PAPSS1: variants seen among roughly 807,000 people sequenced by gnomAD.
PAPSS1 encodes 3'-phosphoadenosine 5'-phosphosulfate synthase 1, also known as bifunctional 3'-phosphoadenosine 5'-phosphosulfate synthase 1.
PAPSS1 carries 50 observed loss-of-function variants against 72.0 expected under a neutral mutation model. The observed-to-expected ratio is 0.69, with a 90% CI of 0.55 to 0.88. The LOEUF (loss-of-function observed/expected upper bound fraction) is 0.88. Ranked by LOEUF, PAPSS1 falls within the 40% of genes least tolerant of loss-of-function variation. The pLI is 0.00. For synonymous variants in PAPSS1, 261 were observed against 263.6 expected, an observed-to-expected ratio of 0.99 and a Z score of 0.09; for missense variants, 657 against 782.2, an observed-to-expected ratio of 0.84 and a Z score of 1.91.
chr4:107,681,141 A>G (rs1158990345), intron 5 of PAPSS1, among the ~76,000 whole-genome samples: 2 of 152,178 alleles, frequency 1.3e-5, no homozygotes, highest in African/African-American at 2.4e-5. Context: ...AATACACTAG[A>G]TGAAAGAGGT....
At position 107,674,203 on chromosome 4, in the gene PAPSS1, T is replaced by C. The variant is rs541847338; in HGVS notation, c.669+7812A>G. Among the ~76,000 whole-genome samples, 25 of 152,272 alleles carry C rather than the reference T, an allele frequency of 1.6e-4. 1 individual carries two copies. The highest frequency in any genetic ancestry group is 2.4e-4 in the Non-Finnish European group (16 of 68,024). ...TAACAATATTAGCCTTAAATGTAAA[T>C]GGGCTAAATGCTCCAATTAAAAGAC... On this transcript the variant is annotated intron_variant, in intron 5 of 11. Transcript: ENST00000265174.
chr4:107,617,707 C>T (rs1020390751), intron 11 of PAPSS1, among the ~76,000 whole-genome samples: 2 of 152,164 alleles, frequency 1.3e-5, no homozygotes, highest in Non-Finnish European at 2.9e-5. Context: ...TACATGTCTA[C>T]ACCAAATTAT....
At chr4:107,630,220 A>C (rs1726194741) in intron 11 of PAPSS1, among the ~76,000 whole-genome samples, 1 of 152,224 alleles carries the variant, frequency 6.6e-6, no homozygotes, top group Admixed American at 6.5e-5. Flanking sequence ...TTAAGAAATA[A>C]AGTTTACATT....
intron 1 of PAPSS1, chr4:107,719,869 G>C: frequency 3.0e-6 from 4 of 1,350,998 alleles, no homozygotes; most frequent in Non-Finnish European, 3.8e-6. Flanking sequence ...GGGAGGGGGG[G>C]CGTTCTTCCC....
chr4:107,695,542 T>G (rs534700869), intron 2 of PAPSS1, among the ~76,000 whole-genome samples: 8 of 152,284 alleles, frequency 5.3e-5, no homozygotes, highest in African/African-American at 1.9e-4. Context: ...CTAGGAGTGG[T>G]GAGAGACAGC....
chr4:107,649,021 A>T (rs145186851), intron 9 of PAPSS1, among the ~76,000 whole-genome samples: 11 of 152,332 alleles, frequency 7.2e-5, no homozygotes, highest in African/African-American at 2.2e-4. Flanking sequence ...CTCATGACTA[A>T]AAACACTTCC....
intron 5 of PAPSS1, among the ~76,000 whole-genome samples, chr4:107,673,483 A>G (rs1339174451): frequency 1.3e-5 from 2 of 152,208 alleles, no homozygotes; most frequent in African/African-American, 4.8e-5. Flanking sequence ...TAAATGAATG[A>G]AATGAAGCGA....
At chr4:107,640,856 C>G (rs983062572) in intron 10 of PAPSS1, among the ~76,000 whole-genome samples, 187 of 152,316 alleles carry the variant, frequency 1.2e-3, no homozygotes, top group East Asian at 5.8e-4. Context: ...AATTCACACT[C>G]CAGACAGAGA....
At chr4:107,686,556 T>C (rs1578422211) in intron 4 of PAPSS1, among the ~76,000 whole-genome samples, 1 of 152,242 alleles carries the variant, frequency 6.6e-6, no homozygotes, top group East Asian at 1.9e-4. Context: ...GAATCAGTGA[T>C]ATGTTAATTC....
In PAPSS1 at chr4:107,639,973, G is replaced by T. The variant is rs76647152; in HGVS notation, c.1506+4829C>A. ...TGCATGGGTAATTTTCATAGCAAAG[G>T]ATAATCTCTACCTCCAACTGCATTT... On this transcript the variant is annotated intron_variant, in intron 10 of 11. Transcript: ENST00000265174. Among the ~76,000 whole-genome samples the T allele has an allele frequency of 3.4e-3, 516 of 152,230 alleles. 4 individuals carry two copies. Among genetic ancestry groups the T allele is most frequent in the African/African-American group, 0.012 (493 of 41,550 alleles).
chr4:107,638,578 C>G (rs372128812), intron 10 of PAPSS1, among the ~76,000 whole-genome samples: 81 of 152,210 alleles, frequency 5.3e-4, no homozygotes, highest in African/African-American at 1.9e-3. Context: ...GTGGAGACAA[C>G]AAGCCTGGAA....
chr4:107,654,103 C>A (rs1268892070), intron 8 of PAPSS1, among the ~76,000 whole-genome samples: 1 of 152,122 alleles, frequency 6.6e-6, no homozygotes, highest in Non-Finnish European at 1.5e-5. Flanking sequence ...TATTACCCTC[C>A]AGGACCTGTT....
rs143476989 is a variant in PAPSS1, at chr4:107,644,752, G to GT, written c.1506+49dup. The GT allele has an allele frequency of 5.0e-4, 764 of 1,534,920 alleles. 11 individuals are homozygous for GT. The East Asian group carries it at 0.014, about 29-fold the overall frequency. ...TCGGATGGTGACACTAGCTGTGTTA[G>GT]TAAGAGTGGCTTTAACACTGCTGCA... On this transcript the variant is annotated intron_variant, in intron 10 of 11. Transcript: ENST00000265174.
At chr4:107,680,257 A>C (rs1284946900) in intron 5 of PAPSS1, among the ~76,000 whole-genome samples, 2 of 152,120 alleles carry the variant, frequency 1.3e-5, no homozygotes, top group Admixed American at 1.3e-4. Flanking sequence ...CTACTACAAG[A>C]CCTAGACACA....
chr4:107,619,941 T>C (rs919911700), intron 11 of PAPSS1, among the ~76,000 whole-genome samples: 4 of 152,204 alleles, frequency 2.6e-5, no homozygotes, highest in African/African-American at 7.2e-5. Flanking sequence ...ACTAACCACA[T>C]GTGGCCAGCA....
At chr4:107,719,886 G>C in intron 1 of PAPSS1, 2 of 1,349,268 alleles carry the variant, frequency 1.5e-6, no homozygotes, top group African/African-American at 1.5e-5. Context: ...TCCCACGAAC[G>C]GTGGCTCGGA....
chr4:107,644,806 G>A lies in PAPSS1; in HGVS notation c.1502C>T (p.Thr501Ile). ...FPSPMMYAGP[T>I]EVQWHCRARM... ...AAAATCTTACAAGCAGTCTACCTCA[G>A]TTGGTCCAGCATACATCATGGGAGA... The change falls in exon 10 of 12, where the codon ACT (threonine) becomes ATT (isoleucine). Residue 501 changes from threonine to isoleucine, a missense_variant. This residue lies in a region of PAPSS1 where 166 missense variants were observed against 228.3 expected (regional missense o/e 0.73). Transcript: ENST00000265174. 6.2e-7 allele frequency: 1 copy of A among 1,609,264 alleles called. No individual in the cohort carries two copies. The highest frequency in any genetic ancestry group is 8.5e-7 in the Non-Finnish European group (1 of 1,178,158).
At chr4:107,635,835 T>C (rs1726363102) in intron 10 of PAPSS1, among the ~76,000 whole-genome samples, 1 of 152,228 alleles carries the variant, frequency 6.6e-6, no homozygotes, top group Non-Finnish European at 1.5e-5. Flanking sequence ...AATATTCTTA[T>C]CACCCGAAAT....
At chr4:107,647,424 G>C (rs1726724398) in intron 9 of PAPSS1, among the ~76,000 whole-genome samples, 1 of 152,154 alleles carries the variant, frequency 6.6e-6, no homozygotes, top group Non-Finnish European at 1.5e-5. Context: ...TGAAATGAGA[G>C]CCAAATTCAA....
Sources: allele counts gnomAD v4.1 joint callset (sites outside exome capture counted in the v4.1 genomes callset), GRCh38; gene constraint gnomAD v4.1.1; regional missense constraint gnomAD v4.1.1; transcripts MANE v1.5; gene names NCBI Gene and HGNC (gene_info 2026-07-23, HGNC 2026-07-21).